RTKN2: variants seen among roughly 807,000 people sequenced by gnomAD.
RTKN2 encodes rhotekin-2.
In RTKN2, 69 loss-of-function variants were observed where a neutral mutation model predicts 71.5. The observed-to-expected ratio is 0.96, with a 90% CI of 0.79 to 1.18. The LOEUF is 1.18. Ranked by LOEUF, RTKN2 falls within the 50% of genes most tolerant of loss-of-function variation. The pLI, the probability that RTKN2 is intolerant of heterozygous loss-of-function variation, is 0.00. For synonymous variants in RTKN2, 236 were observed against 236.5 expected (o/e 1.00, Z 0.02); for missense variants, 724 against 719.7 (o/e 1.01, Z -0.07).
At chr10:62,199,716 T>C in intron 11 of RTKN2, 38 bp downstream of exon 11, 1 of 1,267,898 alleles carries the variant, frequency 7.9e-7, no homozygotes, top group Non-Finnish European at 1.1e-6. Flanking sequence ...ATGTTGTTTT[T>C]GTTATCCTGC....
intron 3 of RTKN2, among the ~76,000 whole-genome samples, chr10:62,245,376 G>C (rs1357643597): frequency 6.6e-6 from 1 of 152,098 alleles, no homozygotes; most frequent in Admixed American, 6.6e-5. Flanking sequence ...ATGTTGCCAG[G>C]ACAAGGAGAG....
chr10:62,197,143 C>G lies in RTKN2; in HGVS notation c.*765G>C, dbSNP rs997996894. On this transcript the variant is annotated 3_prime_UTR_variant, in exon 12 of 12. Transcript: ENST00000373789. ...AGGTGTTGATCAGCTACTCACTTCC[C>G]TAAATTCCAAAGTCACAATGGAAAT... 1.0e-6 allele frequency: 1 copy of G among 985,176 alleles called. No individual in the cohort carries two copies. Among genetic ancestry groups the G allele is most frequent in the Non-Finnish European group, 1.2e-6 (1 of 829,764 alleles). 61.0% of individuals were successfully genotyped at this position (985,176 alleles called of 1,614,324 possible).
intron 2 of RTKN2, among the ~76,000 whole-genome samples, chr10:62,261,272 T>C (rs905745905): frequency 4.6e-5 from 7 of 152,192 alleles, no homozygotes; most frequent in African/African-American, 1.7e-4. Context: ...TTTTTGTATA[T>C]ATAAAATCTC....
At chr10:62,205,494 C>T (rs1205705408) in intron 9 of RTKN2, among the ~76,000 whole-genome samples, 1 of 152,092 alleles carries the variant, frequency 6.6e-6, no homozygotes, top group Non-Finnish European at 1.5e-5. Context: ...CTAGTGCTAT[C>T]AGTTAAAGCA....
chr10:62,245,499 G>A (rs982279366), intron 3 of RTKN2, among the ~76,000 whole-genome samples: 4 of 152,092 alleles, frequency 2.6e-5, no homozygotes, highest in Non-Finnish European at 5.9e-5. Flanking sequence ...TTACACTACA[G>A]GCAATGAAGA....
intron 6 of RTKN2, among the ~76,000 whole-genome samples, chr10:62,224,813 G>A (rs1314903179): frequency 6.6e-6 from 1 of 152,024 alleles, no homozygotes; most frequent in African/African-American, 2.4e-5. Context: ...TCTGCAAAGG[G>A]AGGGCTGAAG....
chr10:62,241,018 G>T lies in RTKN2; in HGVS notation c.370+124C>A, dbSNP rs114464325. 1.0e-5 allele frequency: 6 copies of T among 588,652 alleles called. No homozygotes were observed. The Admixed American group carries it at 1.1e-4, about 10-fold the overall frequency. The allele number at this position is 588,652 out of a possible 1,614,324, so 36.5% of individuals were successfully genotyped here. A position where few individuals can be genotyped will look rare whatever the true frequency, so the allele number is the denominator to read the frequency against. On this transcript the variant is annotated intron_variant, in intron 4 of 11. Coordinates refer to ENST00000373789, the MANE Select transcript of RTKN2 (RefSeq NM_145307.4). ...TATTAAAAATCAGAAAACAGTTCAA[G>T]ATGCTGCTTATTCTTTCAAATGACA...
intron 2 of RTKN2, among the ~76,000 whole-genome samples, chr10:62,255,906 T>C (rs192726836): frequency 3.9e-5 from 6 of 152,296 alleles, no homozygotes; most frequent in Admixed American, 1.3e-4. Context: ...AGACTCAATG[T>C]CCATCTATGG....
chr10:62,224,481 T>C (rs1450128466), intron 6 of RTKN2, among the ~76,000 whole-genome samples: 3 of 152,130 alleles, frequency 2.0e-5, no homozygotes, highest in Admixed American at 1.3e-4. Context: ...TCCCCGTTCA[T>C]TTAATAAATA....
exon 9 of RTKN2, chr10:62,184,373 T>C: frequency 3.9e-6 from 6 of 1,541,114 alleles, no homozygotes; most frequent in Non-Finnish European, 5.3e-6. Context: ...GATTATGTAG[T>C]TGATTACTAT....
At chr10:62,187,731 C>T (rs1371681143) in intron 8 of RTKN2, among the ~76,000 whole-genome samples, 2 of 152,134 alleles carry the variant, frequency 1.3e-5, no homozygotes, top group Non-Finnish European at 2.9e-5. Flanking sequence ...CCTGTGCCCT[C>T]GGTGAACTTA....
intron 3 of RTKN2, among the ~76,000 whole-genome samples, chr10:62,242,632 TTG>T (rs201557915): frequency 4.0e-5 from 6 of 151,478 alleles, no homozygotes; most frequent in Admixed American, 2.0e-4. Context: ...CTTTTTTTTT[TTG>T]AGACAGCGTC....
chr10:62,250,386 T>C (rs966994180), intron 2 of RTKN2, among the ~76,000 whole-genome samples: 2 of 152,168 alleles, frequency 1.3e-5, no homozygotes, highest in Admixed American at 6.5e-5. Flanking sequence ...CAAGAAACAC[T>C]AGTTTCAAAC....
chr10:62,226,279 GTTTCT>G (rs1206417072), intron 6 of RTKN2, among the ~76,000 whole-genome samples: 1 of 152,020 alleles, frequency 6.6e-6, no homozygotes, highest in Non-Finnish European at 1.5e-5. Context: ...AACCTCCTTT[GTTTCT>G]TACTAAATCC....
intron 10 of RTKN2, 149 bp from the exon 11 acceptor site, chr10:62,200,010 A>C (rs1358644344): frequency 3.6e-6 from 2 of 557,486 alleles, no homozygotes; most frequent in African/African-American, 3.8e-5. Context: ...GCTTGCAGAA[A>C]AACCTAATAC....
At chr10:62,235,392 T>C (rs1323711299) in intron 6 of RTKN2, among the ~76,000 whole-genome samples, 2 of 152,176 alleles carry the variant, frequency 1.3e-5, no homozygotes, top group Non-Finnish European at 2.9e-5. Flanking sequence ...ATTTAATTAG[T>C]AGATTAATAT....
Position 62,197,691 on chromosome 10 carries a change from C to T in RTKN2, c.*217G>A. The T allele has an allele frequency of 1.5e-6, 2 of 1,365,502 alleles. No homozygotes were observed. Among genetic ancestry groups the T allele is most frequent in the Non-Finnish European group, 1.9e-6 (2 of 1,064,486 alleles). 84.6% of individuals were successfully genotyped at this position (1,365,502 alleles called of 1,614,324 possible). A position where few individuals can be genotyped will look rare whatever the true frequency, so the allele number is the denominator to read the frequency against. The stretch of plus-strand genomic sequence containing the variant: ...TTAGGATATTGTCTAGAAACTGCCT[C>T]TTGCACACTGCTGGAGAAATCACTT... On this transcript the variant is annotated 3_prime_UTR_variant, in exon 12 of 12. Coordinates refer to ENST00000373789, the MANE Select transcript of RTKN2 (RefSeq NM_145307.4).
At chr10:62,217,654 C>G (rs1281504776) in intron 8 of RTKN2, among the ~76,000 whole-genome samples, 1 of 152,182 alleles carries the variant, frequency 6.6e-6, no homozygotes, top group Non-Finnish European at 1.5e-5. Context: ...GTTCTCAGAG[C>G]ATCGGAAAAT....
intron 1 of RTKN2, among the ~76,000 whole-genome samples, chr10:62,267,585 CTT>C (rs1224398960): frequency 1.3e-5 from 2 of 152,206 alleles, no homozygotes; most frequent in Non-Finnish European, 2.9e-5. Context: ...CATAATGAAT[CTT>C]AATGTCTTGC....
Sources: gnomAD v4.1 joint callset for allele counts (sites outside exome capture counted in the v4.1 genomes callset) on GRCh38, gnomAD v4.1.1 for gene constraint, MANE v1.5 for transcripts, NCBI Gene and HGNC (gene_info 2026-07-23, HGNC 2026-07-21) for gene names.